Variants in SLC26A11 observed in about 807,000 individuals in gnomAD.
SLC26A11 encodes the protein solute carrier family 26 member 11, also known as sodium-independent sulfate anion transporter.
In SLC26A11, 58 loss-of-function variants were observed where a neutral mutation model predicts 62.2. The observed-to-expected ratio is 0.93, with a 90% CI of 0.76 to 1.16. SLC26A11 has a LOEUF of 1.16. SLC26A11 is among the 50% of genes most tolerant of loss of function. The pLI, the probability that SLC26A11 is intolerant of heterozygous loss-of-function variation, is 0.00. For synonymous variants in SLC26A11, 411 were observed against 368.9 expected, an observed-to-expected ratio of 1.11 and a Z score of -1.31; for missense variants, 790 against 794.3, an observed-to-expected ratio of 0.99 and a Z score of 0.06.
In SLC26A11 at chr17:80,222,713, G is replaced by T. The variant is rs139873166; in HGVS notation, c.293G>T (p.Arg98Leu). The T allele has an allele frequency of 1.2e-6, 2 of 1,613,894 alleles. No individual in the cohort carries two copies. Among genetic ancestry groups the T allele is most frequent in the African/African-American group, 1.3e-5 (1 of 74,864 alleles). ...GTGTATTTCTTCCTGGGCACCTCCC[G>T]GGATGTGACTCTGGGCCCCACCGCC... ...CFVYFFLGTS[R>L]DVTLGPTAIM... The change falls in exon 4 of 18, where the codon CGG becomes CTG. Residue 98 changes from arginine (R) to leucine (L), a missense_variant. By Grantham distance (102) the Arg-to-Leu change is moderately radical (BLOSUM62 -2). Coordinates refer to ENST00000361193, the MANE Select transcript of SLC26A11 (RefSeq NM_001166347.2). This position sits in a 1 kb window ranked among gnomAD's most constrained non-coding sequence, Gnocchi z 4.7.
rs545080590 is a variant in SLC26A11 at position 80,248,335 on chromosome 17, G to A, written c.1422+78G>A. ...GCATGGTCTTATGTTTTGAGGGTCC[G>A]GGGTGATTGTGGTCGTGGGTGCTGC... On this transcript the variant is annotated intron_variant, in intron 14 of 17. Transcript: ENST00000361193. 96 of 1,513,060 alleles carry A rather than the reference G, an allele frequency of 6.3e-5. 1 individual carries two copies. In the Admixed American group the frequency reaches 7.5e-4, roughly 12 times the overall value. The allele number at this position is 1,513,060 out of a possible 1,614,324, so 93.7% of individuals were successfully genotyped here.
chr17:80,237,780 A>G (rs2042739258), intron 9 of SLC26A11, among the ~76,000 whole-genome samples, 186 bp downstream of exon 9: 1 of 152,266 alleles, frequency 6.6e-6, no homozygotes, highest in Non-Finnish European at 1.5e-5. Context: ...ATAATGAGGC[A>G]TGCCCTCCCA....
At position 80,249,203 on chromosome 17, in the gene SLC26A11, C is replaced by T. The variant is rs770390858; in HGVS notation, c.1572C>T (p.Ile524=). 52 of 1,610,846 alleles carry T rather than the reference C, an allele frequency of 3.2e-5. No individual in the cohort carries two copies. The highest frequency in any genetic ancestry group is 4.2e-5 in the Non-Finnish European group (50 of 1,179,956). Reference sequence around the variant, plus strand: ...TGGAGTGCACCCATGTCTGCAGCATCGACTACACTGTGGTGCTGGGACTCG... The same window carrying T: ...TGGAGTGCACCCATGTCTGCAGCATTGACTACACTGTGGTGCTGGGACTCG... The part of the protein sequence containing the change: ...LVLECTHVCS[I]DYTVVLGLGE... The change falls in exon 16 of 18, where the codon ATC becomes ATT. Residue 524 remains isoleucine, a synonymous_variant. Transcript: ENST00000361193.
chr17:80,238,830 T>G (rs1436563804), intron 9 of SLC26A11, among the ~76,000 whole-genome samples: 7 of 142,582 alleles, frequency 4.9e-5, no homozygotes, highest in African/African-American at 8.1e-5. Flanking sequence ...GTTTTTTGTT[T>G]TTTTTTTTTT....
chr17:80,229,763 G>C (rs2042512447), intron 7 of SLC26A11, among the ~76,000 whole-genome samples: 2 of 152,196 alleles, frequency 1.3e-5, no homozygotes, highest in South Asian at 2.1e-4. Flanking sequence ...GAGACTCAGA[G>C]TGTGGCCTGG....
intron 13 of SLC26A11, among the ~76,000 whole-genome samples, chr17:80,247,420 C>T (rs867985210): frequency 3.3e-5 from 5 of 152,088 alleles, no homozygotes; most frequent in South Asian, 2.1e-4. Context: ...TAGGGGCGGC[C>T]GGGCAGAGGC....
chr17:80,228,321 C>T lies in SLC26A11; in HGVS notation c.736+361C>T, dbSNP rs761152950. 2.0e-4 allele frequency among the ~76,000 whole-genome samples: 30 copies of T among 152,198 alleles called. No individual in the cohort carries two copies. Among genetic ancestry groups the T allele is most frequent in the Admixed American group, 1.8e-3 (27 of 15,286 alleles). On this transcript the variant is annotated intron_variant, in intron 7 of 17. Coordinates refer to ENST00000361193, the MANE Select transcript of SLC26A11 (RefSeq NM_001166347.2). The surrounding 1 kb of genome is among the most constrained non-coding windows in gnomAD (Gnocchi z 4.1). Reference sequence around the variant, plus strand: ...CTGATTTTTGTATTTATAGTAGAGACGGGGTTTCACCATGTTGACCATACT... The same window carrying T: ...CTGATTTTTGTATTTATAGTAGAGATGGGGTTTCACCATGTTGACCATACT...
chr17:80,222,863 C>T lies in SLC26A11; in HGVS notation c.427+16C>T. ...CTGCGTTTGGGTGAGGCTCTACCTT[C>T]TTGCCAAGGGGATGCCCTCGACCTC... On this transcript the variant is annotated intron_variant, in intron 4 of 17. Coordinates refer to ENST00000361193, the MANE Select transcript of SLC26A11 (RefSeq NM_001166347.2). The surrounding 1 kb of genome is among the most constrained non-coding windows in gnomAD (Gnocchi z 4.7). The T allele has an allele frequency of 6.2e-7, 1 of 1,612,202 alleles. No individual in the cohort carries two copies. The highest frequency in any genetic ancestry group is 8.5e-7 in the Non-Finnish European group (1 of 1,178,848).
rs779630869 is a variant in SLC26A11 at position 80,249,508 on chromosome 17, C to T, written c.1656+221C>T. ...TGGCCCCCAGCCCTCCGAGGGGTCACGTTATGGCTTCTGGTCACTGCCACA... is the reference window on the plus strand; with the variant it reads ...TGGCCCCCAGCCCTCCGAGGGGTCATGTTATGGCTTCTGGTCACTGCCACA... On this transcript the variant is annotated intron_variant, in intron 16 of 17. Coordinates refer to ENST00000361193, the MANE Select transcript of SLC26A11 (RefSeq NM_001166347.2). Among the ~76,000 whole-genome samples the T allele has an allele frequency of 2.0e-5, 3 of 152,306 alleles. No individual in the cohort carries two copies. In the Middle Eastern group the frequency reaches 0.01, roughly 518 times the overall value.
rs759370536 is a variant in SLC26A11, at chr17:80,252,695, G to T, written c.1800G>T (p.Lys600Asn). 5 of 1,613,904 alleles carry T rather than the reference G, an allele frequency of 3.1e-6. No individual in the cohort carries two copies. Among genetic ancestry groups the T allele is most frequent in the Non-Finnish European group, 2.5e-6 (3 of 1,179,978 alleles). ...NIREDSILDQ[K>N]VALLKA is the part of the protein sequence containing the mutation. ...GAGAAGACTCCATTCTGGACCAAAA[G>T]GTTGCCCTGCTCAAGGCATAATGGG... Residue 600 changes from lysine to asparagine, a missense_variant, in exon 18 of 18, where the codon AAG (lysine) becomes AAT (asparagine). Lys to Asn is a moderately conservative substitution (Grantham distance 94). Coordinates refer to ENST00000361193, the MANE Select transcript of SLC26A11 (RefSeq NM_001166347.2). The surrounding 1 kb of genome is among the most constrained non-coding windows in gnomAD (Gnocchi z 5.2).
chr17:80,247,236 C>A (rs941284175), intron 13 of SLC26A11, among the ~76,000 whole-genome samples: 1 of 152,040 alleles, frequency 6.6e-6, no homozygotes, highest in Non-Finnish European at 1.5e-5. Flanking sequence ...TCTCCCATGT[C>A]TACTTCTTTC....
chr17:80,246,028 T>TC lies in SLC26A11; in HGVS notation c.1098-122dup. ...TCTCTTTGCCTCGGTCCCCTTGCAG[T>TC]CCCCGCCTGCTTCCCAAGCCGTGCT... On this transcript the variant is annotated intron_variant, in intron 11 of 17. Transcript: ENST00000361193. The surrounding 1 kb of genome is among the most constrained non-coding windows in gnomAD (Gnocchi z 4.4). 8.6e-7 allele frequency: 1 copy of TC among 1,163,622 alleles called. No individual in the cohort carries two copies. The highest frequency in any genetic ancestry group is 1.3e-6 in the Non-Finnish European group (1 of 777,118). The allele number at this position is 1,163,622 out of a possible 1,614,324, so 72.1% of individuals were successfully genotyped here. A position where few individuals can be genotyped will look rare whatever the true frequency, so the allele number is the denominator to read the frequency against.
At chr17:80,249,991 T>C (rs1182334944) in intron 16 of SLC26A11, among the ~76,000 whole-genome samples, 1 of 152,182 alleles carries the variant, frequency 6.6e-6, no homozygotes, top group African/African-American at 2.4e-5. Context: ...AAGACGGGTT[T>C]CTATGGAGGC....
intron 5 of SLC26A11, among the ~76,000 whole-genome samples, chr17:80,224,314 A>AGT (rs143696859): frequency 0.2 from 29,785 of 145,486 alleles, 4,912 homozygotes; most frequent in African/African-American, 0.48. Context: ...TGTGTGAGAG[A>AGT]GTGTGAGTGT....
chr17:80,234,202 G>A lies in SLC26A11; in HGVS notation c.737-2726G>A, dbSNP rs138573044. 1.4e-3 allele frequency among the ~76,000 whole-genome samples: 217 copies of A among 152,132 alleles called. 2 individuals carry two copies. Among genetic ancestry groups the A allele is most frequent in the African/African-American group, 5.0e-3 (207 of 41,520 alleles). On this transcript the variant is annotated intron_variant, in intron 7 of 17. Transcript: ENST00000361193. The stretch of plus-strand genomic sequence containing the variant: ...GTACTTTTAGCAGAGATGGGGTTTT[G>A]CCATGTTGGCCAGGCTGCTTTCGAA...
intron 7 of SLC26A11, among the ~76,000 whole-genome samples, chr17:80,230,713 T>A (rs55831872): frequency 0.2 from 30,033 of 152,066 alleles, 3,648 homozygotes; most frequent in African/African-American, 0.34. Context: ...TTAAGATGTC[T>A]AGACATCGTA....
In SLC26A11 at chr17:80,246,461, G is replaced by A; in HGVS notation, c.1154-48G>A. On this transcript the variant is annotated intron_variant, in intron 12 of 17. Coordinates refer to ENST00000361193, the MANE Select transcript of SLC26A11 (RefSeq NM_001166347.2). The surrounding 1 kb of genome is among the most constrained non-coding windows in gnomAD (Gnocchi z 4.4). ...ACAAGAGGCTGCTACGCTGCGTGCT[G>A]GGGGGACCCTGCACTCCCGAGGTCA... is the stretch of plus-strand genomic sequence containing the variant. 6.2e-7 allele frequency: 1 copy of A among 1,601,256 alleles called. No individual in the cohort carries two copies. The highest frequency in any genetic ancestry group is 8.5e-7 in the Non-Finnish European group (1 of 1,178,716).
chr17:80,221,457 C>G, intron 2 of SLC26A11, 91 bp from the exon 3 acceptor site: 1 of 931,806 alleles, frequency 1.1e-6, no homozygotes, highest in Non-Finnish European at 1.6e-6. Context: ...CCATAGTGAC[C>G]TCTCCTGACA....
chr17:80,250,131 G>T (rs1268449801), intron 16 of SLC26A11, among the ~76,000 whole-genome samples: 2 of 152,126 alleles, frequency 1.3e-5, no homozygotes, highest in Admixed American at 6.5e-5. Context: ...TTGCAGAGAG[G>T]CAGGGGTCTC....
Sources: gnomAD v4.1 joint callset for allele counts (sites outside exome capture counted in the v4.1 genomes callset) on GRCh38, gnomAD v4.1.1 for gene constraint, Gnocchi (gnomAD v3.1) non-coding constraint, MANE v1.5 for transcripts, NCBI Gene and HGNC (gene_info 2026-07-23, HGNC 2026-07-21) for gene names.